Variants in WWTR1 observed in about 807,000 individuals in gnomAD.
The protein encoded by WWTR1 is WW domain containing transcription regulator 1, also known as WW domain-containing transcription regulator protein 1.
In WWTR1, 13 loss-of-function variants were observed where a neutral mutation model predicts 40.1. The ratio of observed to expected loss-of-function variants is 0.32; its 90% confidence interval spans 0.21 to 0.52. The LOEUF (loss-of-function observed/expected upper bound fraction) is 0.52. WWTR1 is among the 20% of genes least tolerant of loss of function. The pLI is 0.97. For synonymous variants in WWTR1, 230 were observed against 210.1 expected, an observed-to-expected ratio of 1.09 and a Z score of -0.82; for missense variants, 436 against 523.1, an observed-to-expected ratio of 0.83 and a Z score of 1.63.
intron 2 of WWTR1, among the ~76,000 whole-genome samples, chr3:149,652,954 A>G (rs1712980306): frequency 6.6e-6 from 1 of 152,198 alleles, no homozygotes; most frequent in Non-Finnish European, 1.5e-5. Context: ...GTCCTCCTGT[A>G]TATTGGATTT....
Position 149,551,679 on chromosome 3 carries a change from C to G in WWTR1, c.569-9142G>C, listed in dbSNP as rs1736624054. Among the ~76,000 whole-genome samples the G allele has an allele frequency of 2.1e-5, 3 of 145,660 alleles. 1 individual carries two copies. The South Asian group carries it at 6.6e-4, about 32-fold the overall frequency. On this transcript the variant is annotated intron_variant, in intron 3 of 6. Transcript: ENST00000360632. ...CAGAACACAGGTCACAGTGCTAAATCTGGGAAAGTCCCAGGCAAATGGGAT... is the reference window on the plus strand; with the variant it reads ...CAGAACACAGGTCACAGTGCTAAATGTGGGAAAGTCCCAGGCAAATGGGAT...
At chr3:149,614,312 T>C (rs1010574069) in intron 2 of WWTR1, among the ~76,000 whole-genome samples, 1 of 152,192 alleles carries the variant, frequency 6.6e-6, no homozygotes, top group South Asian at 2.1e-4. Flanking sequence ...TATGTTTAGA[T>C]ACACAAATAC....
intron 2 of WWTR1, among the ~76,000 whole-genome samples, chr3:149,590,415 C>T (rs571138934): frequency 1.3e-5 from 2 of 152,078 alleles, no homozygotes; most frequent in African/African-American, 2.4e-5. Context: ...TTTGGGAGGC[C>T]GAGGCAGGCG....
chr3:149,656,126 G>A (rs868337145), intron 2 of WWTR1, among the ~76,000 whole-genome samples: 1 of 152,118 alleles, frequency 6.6e-6, no homozygotes, highest in Non-Finnish European at 1.5e-5. Flanking sequence ...TTTTCCTGTG[G>A]GGTGTAATTT....
In WWTR1 at chr3:149,568,523, C is replaced by CAAAAA. The variant is rs34414853; in HGVS notation, c.568+4336_568+4340dup. ...GGAGATGGCTATTTGAATTAAAGTG[C>CAAAAA]AAAAAAAAAAAAAAAAAAAAAAAAA... On this transcript the variant is annotated intron_variant, in intron 3 of 6. Transcript: ENST00000360632. Among the ~76,000 whole-genome samples the CAAAAA allele has an allele frequency of 1.5e-3, 96 of 64,810 alleles. 12 individuals carry two copies. Among genetic ancestry groups the CAAAAA allele is most frequent in the Non-Finnish European group, 2.3e-3 (73 of 31,608 alleles). 42.5% of individuals were successfully genotyped at this position (64,810 alleles called of 152,430 possible).
At chr3:149,703,607 C>T (rs1193746351), upstream of WWTR1, among the ~76,000 whole-genome samples, 1 of 152,104 alleles carries the variant, frequency 6.6e-6, no homozygotes, top group African/African-American at 2.4e-5. Flanking sequence ...CTCCAAGTCT[C>T]ATGTTGAAAT....
At chr3:149,533,377 A>C (rs1576541762) in intron 4 of WWTR1, among the ~76,000 whole-genome samples, 1 of 152,366 alleles carries the variant, frequency 6.6e-6, no homozygotes, top group East Asian at 1.9e-4. Flanking sequence ...TCCTATGAAG[A>C]AGAGTGGGGC....
chr3:149,670,428 A>G (rs1449588742), intron 1 of WWTR1, among the ~76,000 whole-genome samples: 2 of 152,078 alleles, frequency 1.3e-5, no homozygotes, highest in African/African-American at 4.8e-5. Flanking sequence ...ACTGCTATTT[A>G]TCCTCTTCCT....
At chr3:149,600,740 C>A (rs1739204341) in intron 2 of WWTR1, among the ~76,000 whole-genome samples, 1 of 152,092 alleles carries the variant, frequency 6.6e-6, no homozygotes, top group African/African-American at 2.4e-5. Context: ...ACTGCTTGAC[C>A]AATAGAATAT....
upstream of WWTR1, among the ~76,000 whole-genome samples, chr3:149,659,215 T>A (rs896750772): frequency 1.3e-5 from 2 of 152,172 alleles, no homozygotes; most frequent in African/African-American, 4.8e-5. Context: ...TAGGAGTTTA[T>A]TAAGTAAATC....
At chr3:149,555,342 A>G (rs377143632) in intron 3 of WWTR1, among the ~76,000 whole-genome samples, 2 of 152,376 alleles carry the variant, frequency 1.3e-5, no homozygotes, top group East Asian at 1.9e-4. Flanking sequence ...GAGAACATGC[A>G]ATTAGTAATA....
At chr3:149,597,973 G>C (rs1028518832) in intron 2 of WWTR1, among the ~76,000 whole-genome samples, 19 of 152,190 alleles carry the variant, frequency 1.2e-4, no homozygotes, top group African/African-American at 4.6e-4. Flanking sequence ...TGTAGTTAAA[G>C]ATTTTCTGTA....
At chr3:149,572,502 T>C (rs2107997128) in intron 3 of WWTR1, among the ~76,000 whole-genome samples, 1 of 152,038 alleles carries the variant, frequency 6.6e-6, no homozygotes, top group East Asian at 1.9e-4. Flanking sequence ...GAGGCAGCAG[T>C]ATCATGAGTT....
chr3:149,585,271 T>C (rs1738368944), intron 2 of WWTR1, among the ~76,000 whole-genome samples: 1 of 152,168 alleles, frequency 6.6e-6, no homozygotes, highest in Non-Finnish European at 1.5e-5. Context: ...TAGCTGGCAC[T>C]ACAGGCATGC....
At chr3:149,652,134 C>T (rs1012957870) in intron 2 of WWTR1, among the ~76,000 whole-genome samples, 1 of 151,432 alleles carries the variant, frequency 6.6e-6, no homozygotes, top group Non-Finnish European at 1.5e-5. Flanking sequence ...TGAGCCACTG[C>T]GCCCGGCCTT....
chr3:149,554,748 T>C (rs943232547), intron 3 of WWTR1, among the ~76,000 whole-genome samples: 7 of 152,130 alleles, frequency 4.6e-5, no homozygotes, highest in African/African-American at 7.2e-5. Flanking sequence ...AGCATCAGAA[T>C]GTGCTACTCT....
intron 2 of WWTR1, among the ~76,000 whole-genome samples, chr3:149,640,452 G>A (rs1178895289): frequency 1.3e-5 from 2 of 151,922 alleles, no homozygotes; most frequent in Non-Finnish European, 2.9e-5. Flanking sequence ...ACAGAGTTTC[G>A]CTCTGCCCCC....
At chr3:149,589,911 G>A (rs1738617895) in intron 2 of WWTR1, among the ~76,000 whole-genome samples, 1 of 152,092 alleles carries the variant, frequency 6.6e-6, no homozygotes, top group Non-Finnish European at 1.5e-5. Flanking sequence ...GTTTTTATCT[G>A]TAAGTACTCA....
At chr3:149,663,302 G>C (rs1713665523) in intron 2 of WWTR1, among the ~76,000 whole-genome samples, 1 of 151,220 alleles carries the variant, frequency 6.6e-6, no homozygotes, top group Non-Finnish European at 1.5e-5. Flanking sequence ...ACAGATGTGA[G>C]CCACCAGGCC....
Sources: allele counts gnomAD v4.1 joint callset (sites outside exome capture counted in the v4.1 genomes callset), GRCh38; gene constraint gnomAD v4.1.1; transcripts MANE v1.5; gene names NCBI Gene and HGNC (gene_info 2026-07-23, HGNC 2026-07-21).